AFG2A: variants seen among roughly 807,000 people sequenced by gnomAD.
AFG2A encodes ATPase family gene 2 protein homolog A.
chr4:123,253,924 A>G, the AFG2A span, among the ~76,000 whole-genome samples: 1 of 152,148 alleles, frequency 6.6e-6, no homozygotes, highest in Non-Finnish European at 1.5e-5. Flanking sequence ...ATGTAATGGT[A>G]TCTCATTGTG....
the AFG2A span, among the ~76,000 whole-genome samples, chr4:123,044,781 T>G: frequency 1.3e-5 from 2 of 152,082 alleles, no homozygotes; most frequent in African/African-American, 4.8e-5. Flanking sequence ...TTTTTTTTTT[T>G]GTCAATCTTT....
At chr4:123,306,038 C>T in the AFG2A span, among the ~76,000 whole-genome samples, 4 of 152,188 alleles carry the variant, frequency 2.6e-5, no homozygotes, top group African/African-American at 4.8e-5. Flanking sequence ...AGCTGTCTCG[C>T]GTAATCCAGT....
the AFG2A span, among the ~76,000 whole-genome samples, chr4:123,225,866 T>C: frequency 6.6e-6 from 1 of 152,242 alleles, no homozygotes; most frequent in South Asian, 2.1e-4. Context: ...TTCCATTTGT[T>C]CGTATCCTCT....
the AFG2A span, among the ~76,000 whole-genome samples, chr4:123,119,655 G>A: frequency 6.6e-6 from 1 of 152,176 alleles, no homozygotes; most frequent in Admixed American, 6.5e-5. Flanking sequence ...CAGAGCTTTA[G>A]ACCAGTTATA....
At chr4:123,203,313 G>A in the AFG2A span, among the ~76,000 whole-genome samples, 1 of 151,434 alleles carries the variant, frequency 6.6e-6, no homozygotes, top group Non-Finnish European at 1.5e-5. Context: ...ACCACGCCCA[G>A]CTAATTTTTG....
At chr4:123,089,193 C>T in the AFG2A span, among the ~76,000 whole-genome samples, 1 of 152,174 alleles carries the variant, frequency 6.6e-6, no homozygotes, top group Non-Finnish European at 1.5e-5. Context: ...AATTTTTGAA[C>T]TTATAAGTCT....
the AFG2A span, among the ~76,000 whole-genome samples, chr4:123,239,477 G>A: frequency 5.9e-4 from 90 of 152,296 alleles, no homozygotes; most frequent in Non-Finnish European, 1.2e-3. Flanking sequence ...GACTAACAGC[G>A]GCTCTCTCGG....
the AFG2A span, among the ~76,000 whole-genome samples, chr4:123,051,640 CTTTTTTT>C: frequency 3.1e-5 from 3 of 96,080 alleles, no homozygotes; most frequent in Admixed American, 2.6e-4. Flanking sequence ...ATTTCCTCAG[CTTTTTTT>C]TTTTTTTTTT....
At chr4:123,024,469 T>C in the AFG2A span, among the ~76,000 whole-genome samples, 106 of 152,268 alleles carry the variant, frequency 7.0e-4, 1 homozygote, top group Middle Eastern at 0.014. Context: ...GGAAAGGTGG[T>C]GTAAGCGTTT....
At chr4:123,063,903 C>G in the AFG2A span, among the ~76,000 whole-genome samples, 1 of 152,162 alleles carries the variant, frequency 6.6e-6, no homozygotes, top group African/African-American at 2.4e-5. Flanking sequence ...AAAGATAAGA[C>G]ATGGTAATTA....
At chr4:123,286,222 GTC>G in the AFG2A span, among the ~76,000 whole-genome samples, 1 of 152,092 alleles carries the variant, frequency 6.6e-6, no homozygotes, top group Admixed American at 6.6e-5. Context: ...GTTTGTAGCT[GTC>G]TCTTCATATT....
At chr4:123,095,044 T>A in the AFG2A span, among the ~76,000 whole-genome samples, 51,053 of 77,200 alleles carry the variant, frequency 0.66, 16,724 homozygotes, top group East Asian at 0.95. Context: ...AAAAAAAAAA[T>A]ATATATATAT....
At chr4:122,963,664 A>T in the AFG2A span, among the ~76,000 whole-genome samples, 1 of 152,164 alleles carries the variant, frequency 6.6e-6, no homozygotes, top group Non-Finnish European at 1.5e-5. Flanking sequence ...TTAGTTCCCT[A>T]CTTGGGAGGT....
the AFG2A span, among the ~76,000 whole-genome samples, chr4:123,266,003 G>A: frequency 6.6e-6 from 1 of 152,028 alleles, no homozygotes; most frequent in South Asian, 2.1e-4. Context: ...GTTAACCTGA[G>A]AGGAGCTTAT....
At chr4:122,928,186 G>A in the AFG2A span, among the ~76,000 whole-genome samples, 1 of 152,148 alleles carries the variant, frequency 6.6e-6, no homozygotes, top group Non-Finnish European at 1.5e-5. Flanking sequence ...CTCCCTGTCA[G>A]TTAGTTATAT....
chr4:123,103,870 C>G, the AFG2A span, among the ~76,000 whole-genome samples: 1 of 151,944 alleles, frequency 6.6e-6, no homozygotes, highest in Non-Finnish European at 1.5e-5. Context: ...AAGCATTATG[C>G]TAAGTAAAAA....
At chr4:123,067,200 A>G in the AFG2A span, among the ~76,000 whole-genome samples, 2,280 of 152,210 alleles carry the variant, frequency 0.015, 29 homozygotes, top group South Asian at 0.05. Context: ...TTACAAGCCA[A>G]TTTTGACTGT....
the AFG2A span, among the ~76,000 whole-genome samples, chr4:123,107,898 T>C: frequency 2.0e-5 from 3 of 152,220 alleles, no homozygotes; most frequent in African/African-American, 7.2e-5. Flanking sequence ...GCCCAGAGCC[T>C]GCGCCACAAT....
chr4:123,081,210 T>A, the AFG2A span, among the ~76,000 whole-genome samples: 1 of 152,244 alleles, frequency 6.6e-6, no homozygotes, highest in Non-Finnish European at 1.5e-5. Flanking sequence ...CATGATACTG[T>A]CGTACAGAAT....
Sources: allele counts gnomAD v4.1 joint callset (sites outside exome capture counted in the v4.1 genomes callset), GRCh38; gene constraint gnomAD v4.1.1; transcripts MANE v1.5; gene names NCBI Gene and HGNC (gene_info 2026-07-23, HGNC 2026-07-21).